Variants in NTRK2 observed in about 807,000 individuals in gnomAD.
NTRK2 encodes the protein neurotrophic receptor tyrosine kinase 2, also known as BDNF/NT-3 growth factors receptor.
A neutral mutation model predicts 94.5 loss-of-function variants in NTRK2; 13 were observed. The ratio of observed to expected loss-of-function variants is 0.14; its 90% CI spans 0.09 to 0.22. The LOEUF is 0.22. NTRK2 is among the 10% of genes least tolerant of loss of function. NTRK2 has a pLI of 1.00. For synonymous variants in NTRK2, 372 were observed against 407.4 expected, an observed-to-expected ratio of 0.91 and a Z score of 1.05; for missense variants, 639 against 1,071.2, an observed-to-expected ratio of 0.60 and a Z score of 5.63.
chr9:84,685,204 T>G (rs2131454969), intron 2 of NTRK2, among the ~76,000 whole-genome samples: 1 of 152,250 alleles, frequency 6.6e-6, no homozygotes, highest in African/African-American at 2.4e-5. Context: ...TGGATCTTAT[T>G]AGTTATGTAA....
intron 12 of NTRK2, among the ~76,000 whole-genome samples, chr9:84,775,294 G>A (rs900158532): frequency 1.2e-4 from 18 of 152,238 alleles, no homozygotes; most frequent in Non-Finnish European, 2.2e-4. Flanking sequence ...AGGTGACAGA[G>A]CGGGGACAAC....
chr9:84,832,036 A>G (rs1411370804), intron 12 of NTRK2, among the ~76,000 whole-genome samples: 2 of 152,262 alleles, frequency 1.3e-5, no homozygotes, highest in East Asian at 1.9e-4. Context: ...CCTAAAAAAC[A>G]TAGTTGTTTT....
Position 84,875,167 on chromosome 9 carries a change from G to A in NTRK2, c.1633+7736G>A, listed in dbSNP as rs180777880. On this transcript the variant is annotated intron_variant, in intron 14 of 18. Coordinates refer to ENST00000277120, the MANE Select transcript of NTRK2 (RefSeq NM_006180.6). ...ATAAAGTCTGACCATATGTGTCCTT[G>A]CATTTGTTTGTACTGGACTCTGTTA... 4.7e-5 allele frequency: 50 copies of A among 1,058,976 alleles called. No homozygotes were observed. In the Middle Eastern group the frequency reaches 1.3e-3, roughly 27 times the overall value. 65.6% of individuals were successfully genotyped at this position (1,058,976 alleles called of 1,614,324 possible). A position where few individuals can be genotyped will look rare whatever the true frequency, so the allele number is the denominator to read the frequency against.
At chr9:84,881,493 C>A (rs1325381678) in intron 14 of NTRK2, among the ~76,000 whole-genome samples, 1 of 152,158 alleles carries the variant, frequency 6.6e-6, no homozygotes, top group Non-Finnish European at 1.5e-5. Flanking sequence ...GTTCAACGAA[C>A]AAACAAGTGC....
chr9:84,795,965 T>C (rs112580194), intron 12 of NTRK2, among the ~76,000 whole-genome samples: 2 of 152,220 alleles, frequency 1.3e-5, no homozygotes, highest in Admixed American at 6.5e-5. Context: ...TTTCTTTTTT[T>C]TTTTTTTGGT....
upstream of NTRK2, among the ~76,000 whole-genome samples, chr9:84,669,008 G>T (rs1437707646): frequency 6.6e-6 from 1 of 152,054 alleles, no homozygotes; most frequent in Non-Finnish European, 1.5e-5. The surrounding 1 kb of genome is among the most constrained non-coding windows in gnomAD (Gnocchi z 4.1). Flanking sequence ...GCGTGTGATG[G>T]CAGAAAACGG....
intron 17 of NTRK2, among the ~76,000 whole-genome samples, chr9:85,003,605 T>C (rs891951818): frequency 2.0e-5 from 3 of 152,058 alleles, no homozygotes; most frequent in African/African-American, 7.2e-5. Flanking sequence ...TGTTTGGATT[T>C]TGTTCCGAGT....
intron 9 of NTRK2, among the ~76,000 whole-genome samples, chr9:84,733,066 C>A (rs1351756116): frequency 6.6e-6 from 1 of 152,164 alleles, no homozygotes; most frequent in Non-Finnish European, 1.5e-5. Flanking sequence ...GCCACCTATA[C>A]CCCATGGCTG....
chr9:85,014,761 T>G lies in NTRK2; in HGVS notation c.2173-5445T>G, dbSNP rs981984798. On this transcript the variant is annotated intron_variant, in intron 17 of 18. Transcript: ENST00000277120. ...AGTATTTTCTTCAGGATTTATTGTC[T>G]AGAAATACCTTTCAAACAGGTAGAT... 1.4e-4 allele frequency among the ~76,000 whole-genome samples: 22 copies of G among 152,226 alleles called. 1 individual carries two copies. Among genetic ancestry groups the G allele is most frequent in the Admixed American group, 1.2e-3 (19 of 15,286 alleles).
At position 85,024,579 on chromosome 9, in the gene NTRK2, T is replaced by C. The variant is rs1022787866; in HGVS notation, c.*3142T>C. ...CCATTGGGACTGAATCCAAGTACTC[T>C]CACTCTGAACTTCGTGGTTCTGTCC... On this transcript the variant is annotated 3_prime_UTR_variant, in exon 19 of 19. Coordinates refer to ENST00000277120, the MANE Select transcript of NTRK2 (RefSeq NM_006180.6). The C allele has an allele frequency of 4.3e-6, 1 of 232,890 alleles. No individual in the cohort carries two copies. Among genetic ancestry groups the C allele is most frequent in the Non-Finnish European group, 8.5e-6 (1 of 117,876 alleles). 14.4% of individuals were successfully genotyped at this position (232,890 alleles called of 1,614,324 possible). A position where few individuals can be genotyped will look rare whatever the true frequency, so the allele number is the denominator to read the frequency against.
In NTRK2 at chr9:84,830,940, A is replaced by G. The variant is rs1002009327; in HGVS notation, c.1397-30100A>G. 2.0e-5 allele frequency among the ~76,000 whole-genome samples: 3 copies of G among 152,178 alleles called. No homozygotes were observed. In the East Asian group the frequency reaches 5.8e-4, roughly 29 times the overall value. On this transcript the variant is annotated intron_variant, in intron 12 of 18. Transcript: ENST00000277120. Reference sequence around the variant, plus strand: ...TATAATTGTTCTGTGCTTGAATCATATTGTATATAAATATTTTTATTTCCT... The same window carrying G: ...TATAATTGTTCTGTGCTTGAATCATGTTGTATATAAATATTTTTATTTCCT...
At chr9:84,838,314 A>AT (rs931284359) in intron 12 of NTRK2, among the ~76,000 whole-genome samples, 1 of 152,184 alleles carries the variant, frequency 6.6e-6, no homozygotes, top group Non-Finnish European at 1.5e-5. Flanking sequence ...AGCAAAAAAA[A>AT]GGAAAAAGAA....
chr9:85,008,420 A>G (rs1290298455), intron 17 of NTRK2, among the ~76,000 whole-genome samples: 1 of 152,130 alleles, frequency 6.6e-6, no homozygotes, highest in East Asian at 1.9e-4. Flanking sequence ...GCACCAACCA[A>G]CAGTCCCTGC....
chr9:84,706,505 A>G (rs1051328769), intron 4 of NTRK2, among the ~76,000 whole-genome samples: 1 of 132,910 alleles, frequency 7.5e-6, no homozygotes, highest in Non-Finnish European at 1.6e-5. Context: ...CTCAGATCTC[A>G]TGTGTGTTAT....
chr9:84,983,562 A>G (rs565825758), intron 17 of NTRK2, among the ~76,000 whole-genome samples: 34 of 152,334 alleles, frequency 2.2e-4, no homozygotes, highest in Non-Finnish European at 4.7e-4. Context: ...AATCATTTGA[A>G]GATCTCAGTG....
At chr9:84,931,836 A>G (rs1284800240) in intron 14 of NTRK2, among the ~76,000 whole-genome samples, 1 of 152,130 alleles carries the variant, frequency 6.6e-6, no homozygotes, top group Non-Finnish European at 1.5e-5. Flanking sequence ...GGAGTTAAAT[A>G]TTAGATTTAA....
rs377468680 is a variant in NTRK2 at position 84,899,111 on chromosome 9, T to C, written c.1633+31680T>C. Among the ~76,000 whole-genome samples the C allele has an allele frequency of 1.5e-4, 23 of 152,220 alleles. No individual in the cohort carries two copies. In the East Asian group the frequency reaches 4.1e-3, roughly 27 times the overall value. On this transcript the variant is annotated intron_variant, in intron 14 of 18. Coordinates refer to ENST00000277120, the MANE Select transcript of NTRK2 (RefSeq NM_006180.6). ...CACTGAAATATGGGAGCTGAGGGGGTTGATAATTCTCCAACCTAACATACA... is the reference window on the plus strand; with the variant it reads ...CACTGAAATATGGGAGCTGAGGGGGCTGATAATTCTCCAACCTAACATACA...
At chr9:84,688,802 A>G (rs2059872570) in intron 2 of NTRK2, among the ~76,000 whole-genome samples, 2 of 152,230 alleles carry the variant, frequency 1.3e-5, no homozygotes, top group Admixed American at 1.3e-4. Context: ...CCTGAATTGA[A>G]AAATTACTGA....
rs182738362 is a variant in NTRK2, at chr9:84,787,212, C to T, written c.1396+35127C>T. ...ACGTGGGAGGCTGAGGCAGGAGAATCGCTTGAACTTGGGAGGTGGAGGTTG... is the reference window on the plus strand; with the variant it reads ...ACGTGGGAGGCTGAGGCAGGAGAATTGCTTGAACTTGGGAGGTGGAGGTTG... On this transcript the variant is annotated intron_variant, in intron 12 of 18. Transcript: ENST00000277120. Among the ~76,000 whole-genome samples, 6 of 152,132 alleles carry T rather than the reference C, an allele frequency of 3.9e-5. No individual in the cohort carries two copies. The East Asian group carries it at 1.2e-3, about 29-fold the overall frequency.
Sources: gnomAD v4.1 joint callset for allele counts (sites outside exome capture counted in the v4.1 genomes callset) on GRCh38, gnomAD v4.1.1 for gene constraint, Gnocchi (gnomAD v3.1) non-coding constraint, MANE v1.5 for transcripts, NCBI Gene and HGNC (gene_info 2026-07-23, HGNC 2026-07-21) for gene names.